The following ULK4 variants were observed in gnomAD, a reference collection of about 807,000 sequenced individuals.
ULK4 encodes inactive serine/threonine-protein kinase ULK4.
Under a neutral mutation model 160.6 loss-of-function variants are expected in ULK4, and 133 were observed. That is an observed-to-expected ratio of 0.83 (90% CI 0.72 to 0.96). The LOEUF is 0.96. Ranked by LOEUF, ULK4 falls within the 40% of genes least tolerant of loss-of-function variation. The pLI is 0.00. For synonymous variants in ULK4, 534 were observed against 539.8 expected, an observed-to-expected ratio of 0.99 and a Z score of 0.15; for missense variants, 1,580 against 1,499.5, an observed-to-expected ratio of 1.05 and a Z score of -0.89.
intron 18 of ULK4, among the ~76,000 whole-genome samples, chr3:41,835,109 C>T (rs1239617096): frequency 6.6e-6 from 1 of 152,116 alleles, no homozygotes; most frequent in African/African-American, 2.4e-5. Context: ...ACCCAGGAGG[C>T]TGAGGTGGGA....
chr3:41,597,735 G>A (rs1015815391), intron 31 of ULK4, among the ~76,000 whole-genome samples: 2 of 152,128 alleles, frequency 1.3e-5, no homozygotes, highest in African/African-American at 4.8e-5. Flanking sequence ...CAAGAATGCT[G>A]ATTTACCACT....
At chr3:41,585,563 C>T (rs976193384) in intron 31 of ULK4, among the ~76,000 whole-genome samples, 2 of 152,116 alleles carry the variant, frequency 1.3e-5, no homozygotes, top group Non-Finnish European at 2.9e-5. Context: ...AACGATAAAA[C>T]TTCTAGAAGA....
At chr3:41,392,573 T>C (rs1325960625) in intron 35 of ULK4, among the ~76,000 whole-genome samples, 1 of 152,188 alleles carries the variant, frequency 6.6e-6, no homozygotes, top group Non-Finnish European at 1.5e-5. Context: ...GGGTCAAACA[T>C]ATCTTGGGCT....
intron 35 of ULK4, among the ~76,000 whole-genome samples, chr3:41,390,611 C>T (rs1358801004): frequency 1.3e-5 from 2 of 152,090 alleles, no homozygotes; most frequent in Non-Finnish European, 2.9e-5. Context: ...TTTCTGCCTT[C>T]ATTTTGTTAT....
At chr3:41,317,460 CACAGA>C (rs920866391) in intron 35 of ULK4, among the ~76,000 whole-genome samples, 6 of 152,048 alleles carry the variant, frequency 3.9e-5, no homozygotes, top group South Asian at 2.1e-4. Flanking sequence ...TCAGTCTGTG[CACAGA>C]ACAGATTATT....
chr3:41,531,339 GC>G (rs1173791062), intron 32 of ULK4, among the ~76,000 whole-genome samples: 1 of 150,380 alleles, frequency 6.6e-6, no homozygotes, highest in Admixed American at 6.6e-5. Context: ...TACCCGGGAA[GC>G]TGAGGCAGGA....
At chr3:41,392,602 C>G (rs2081979802) in intron 35 of ULK4, among the ~76,000 whole-genome samples, 1 of 152,046 alleles carries the variant, frequency 6.6e-6, no homozygotes, top group Admixed American at 6.6e-5. Flanking sequence ...CTGAATCCAC[C>G]CAGGCTCGCT....
At position 41,900,748 on chromosome 3, in the gene ULK4, T is replaced by C. The variant is rs1698323719; in HGVS notation, c.1264A>G (p.Thr422Ala). 3.1e-6 allele frequency: 5 copies of C among 1,613,546 alleles called. No individual in the cohort carries two copies. The highest frequency in any genetic ancestry group is 4.2e-6 in the Non-Finnish European group (5 of 1,179,736). Residue 422 changes from threonine (T) to alanine (A), a missense_variant, in exon 13 of 37, where the codon ACC becomes GCC. By Grantham distance (58) the Thr-to-Ala change is moderately conservative. Coordinates refer to ENST00000301831, the MANE Select transcript of ULK4 (RefSeq NM_017886.4). ...ACCTTTGGATTGTCGATAATGGGGGTGACAACAAGATCTGAGTCCGTGTAG... is the reference window on the plus strand; with the variant it reads ...ACCTTTGGATTGTCGATAATGGGGGCGACAACAAGATCTGAGTCCGTGTAG... ...LIYTDSDLVV[T>A]PIIDNPKIMK... is the part of the protein sequence containing the mutation.
At chr3:41,555,686 T>C (rs1029756880) in intron 32 of ULK4, among the ~76,000 whole-genome samples, 2 of 152,232 alleles carry the variant, frequency 1.3e-5, no homozygotes, top group South Asian at 2.1e-4. Context: ...ACCAAAGGAA[T>C]ATAAATCATT....
chr3:41,757,629 C>CAA (rs1197436719), intron 21 of ULK4, among the ~76,000 whole-genome samples: 829 of 63,370 alleles, frequency 0.013, 25 homozygotes, highest in African/African-American at 0.04. Context: ...GAGACTCTCT[C>CAA]AAAAAAAAAA....
chr3:41,686,424 G>T (rs79645604), intron 27 of ULK4, among the ~76,000 whole-genome samples: 6,839 of 152,176 alleles, frequency 0.045, 404 homozygotes, highest in African/African-American at 0.14. Flanking sequence ...AAATAGTTAC[G>T]AAGAGTTAGA....
intron 32 of ULK4, among the ~76,000 whole-genome samples, chr3:41,523,110 T>C (rs545511843): frequency 1.9e-4 from 29 of 152,108 alleles, no homozygotes; most frequent in Non-Finnish European, 4.0e-4. Flanking sequence ...AGTTTCATCA[T>C]GTTGGCCAGG....
chr3:41,439,791 A>AT (rs1344592921), intron 34 of ULK4, among the ~76,000 whole-genome samples: 1 of 152,204 alleles, frequency 6.6e-6, no homozygotes, highest in Non-Finnish European at 1.5e-5. Context: ...CTGGGACCAC[A>AT]TTGAGTTTAC....
intron 19 of ULK4, among the ~76,000 whole-genome samples, chr3:41,802,546 G>C (rs1368379201): frequency 1.3e-5 from 2 of 152,044 alleles, no homozygotes; most frequent in African/African-American, 2.4e-5. Context: ...GAATCCTCCT[G>C]CCTTGGCCTC....
At chr3:41,348,276 T>G (rs1046973117) in intron 35 of ULK4, among the ~76,000 whole-genome samples, 6 of 146,448 alleles carry the variant, frequency 4.1e-5, no homozygotes, top group African/African-American at 1.5e-4. Context: ...ATTTCAAATG[T>G]GAAAGGATGA....
intron 27 of ULK4, among the ~76,000 whole-genome samples, chr3:41,698,762 A>T (rs2036578642): frequency 6.6e-6 from 1 of 152,230 alleles, no homozygotes; most frequent in South Asian, 2.1e-4. Context: ...TACTCACGTA[A>T]GTAGCACCTA....
At chr3:41,510,876 T>G (rs910063653) in intron 32 of ULK4, among the ~76,000 whole-genome samples, 1 of 152,066 alleles carries the variant, frequency 6.6e-6, no homozygotes. Flanking sequence ...CATCAAAAAG[T>G]CTGGGACGGG....
intron 35 of ULK4, among the ~76,000 whole-genome samples, chr3:41,360,609 T>C (rs929519124): frequency 3.9e-5 from 6 of 152,154 alleles, no homozygotes; most frequent in African/African-American, 1.4e-4. Flanking sequence ...GATCAAGTCC[T>C]TTGCAGGGAC....
At chr3:41,361,429 T>C (rs576795941) in intron 35 of ULK4, among the ~76,000 whole-genome samples, 2 of 152,346 alleles carry the variant, frequency 1.3e-5, no homozygotes, top group Admixed American at 1.3e-4. Flanking sequence ...AAAAGTGCTC[T>C]TGGACACAAA....
Sources: allele counts gnomAD v4.1 joint callset (sites outside exome capture counted in the v4.1 genomes callset), GRCh38; gene constraint gnomAD v4.1.1; transcripts MANE v1.5; gene names NCBI Gene and HGNC (gene_info 2026-07-23, HGNC 2026-07-21).